SAMMSON: variants seen among roughly 807,000 people sequenced by gnomAD.
SAMMSON encodes the protein long intergenic non-protein coding RNA 1212.
chr3:70,184,877 T>C (rs1457309078), intron 4 of SAMMSON, among the ~76,000 whole-genome samples: 21 of 152,180 alleles, frequency 1.4e-4, no homozygotes, highest in Admixed American at 1.4e-3. Flanking sequence ...TGTGTACTGT[T>C]CTTAGCATGC....
rs34529551 is a variant in SAMMSON at position 70,185,807 on chromosome 3, CA to C, written n.508-63280del. Among the ~76,000 whole-genome samples, 354 of 102,944 alleles carry C rather than the reference CA, an allele frequency of 3.4e-3. 1 individual carries two copies. Among genetic ancestry groups the C allele is most frequent in the African/African-American group, 9.0e-3 (225 of 24,968 alleles). The allele number at this position is 102,944 out of a possible 152,430, so 67.5% of individuals were successfully genotyped here. Reference sequence around the variant, plus strand: ...GCAGCATAGCAAGACCCCGCCTCTACAAAAAAAAAAAAAAAAAAAATTAGCT... The same window carrying C: ...GCAGCATAGCAAGACCCCGCCTCTACAAAAAAAAAAAAAAAAAAATTAGCT... On this transcript the variant is annotated intron_variant and non_coding_transcript_variant, in intron 4 of 9. Transcript: ENST00000642114.
At chr3:70,381,190 C>G (rs1172064950) in intron 9 of SAMMSON, among the ~76,000 whole-genome samples, 1 of 152,164 alleles carries the variant, frequency 6.6e-6, no homozygotes, top group African/African-American at 2.4e-5. Flanking sequence ...AAACCAATTC[C>G]TCACTCTGAA....
At chr3:70,139,906 C>A (rs1453479221) in intron 4 of SAMMSON, among the ~76,000 whole-genome samples, 1 of 152,152 alleles carries the variant, frequency 6.6e-6, no homozygotes, top group Non-Finnish European at 1.5e-5. Context: ...ATAGCTGATC[C>A]ATGCTACTTT....
At chr3:70,218,311 G>A (rs1576159161) in intron 4 of SAMMSON, among the ~76,000 whole-genome samples, 2 of 152,108 alleles carry the variant, frequency 1.3e-5, no homozygotes, top group Non-Finnish European at 2.9e-5. Context: ...TGCCTCCATT[G>A]TGTATGCATG....
chr3:70,423,279 C>A (rs1701326418), intron 2 of SAMMSON, among the ~76,000 whole-genome samples: 1 of 152,054 alleles, frequency 6.6e-6, no homozygotes, highest in Non-Finnish European at 1.5e-5. Flanking sequence ...CTGTAATTTA[C>A]AAATTTTCTA....
intron 6 of SAMMSON, among the ~76,000 whole-genome samples, chr3:70,281,739 C>T (rs570230262): frequency 2.0e-5 from 3 of 152,154 alleles, no homozygotes; most frequent in South Asian, 2.1e-4. Context: ...TTTGGAATTC[C>T]GATAGAGAAT....
At chr3:70,271,387 T>C (rs1043202840) in intron 6 of SAMMSON, among the ~76,000 whole-genome samples, 3 of 152,314 alleles carry the variant, frequency 2.0e-5, no homozygotes, top group South Asian at 4.1e-4. Context: ...GGAACTCCAA[T>C]GGTTCCAGCT....
chr3:70,214,542 T>C (rs1179440036), intron 4 of SAMMSON, among the ~76,000 whole-genome samples: 2 of 151,088 alleles, frequency 1.3e-5, no homozygotes, highest in African/African-American at 4.9e-5. Flanking sequence ...AGGCTGAGCA[T>C]GGCCCCCTCC....
At chr3:70,210,204 A>AT (rs1467632783) in intron 4 of SAMMSON, among the ~76,000 whole-genome samples, 1 of 152,154 alleles carries the variant, frequency 6.6e-6, no homozygotes, top group African/African-American at 2.4e-5. Flanking sequence ...TAAGTATAGC[A>AT]TTTTGAATGT....
intron 2 of SAMMSON, among the ~76,000 whole-genome samples, chr3:70,419,920 G>A (rs576044260): frequency 2.0e-5 from 3 of 152,342 alleles, no homozygotes; most frequent in South Asian, 4.1e-4. Flanking sequence ...TTACAGGCAT[G>A]AGCCACCACG....
At chr3:70,098,283 C>T (rs1183393582) in intron 4 of SAMMSON, among the ~76,000 whole-genome samples, 1 of 152,174 alleles carries the variant, frequency 6.6e-6, no homozygotes, top group Admixed American at 6.5e-5. Context: ...AAACTGAAAG[C>T]GGTCTCACAC....
chr3:70,069,461 C>T (rs888592233), intron 3 of SAMMSON: 1 of 152,058 alleles, frequency 6.6e-6, no homozygotes, highest in African/African-American at 2.4e-5. Context: ...GAGCAACACT[C>T]ATGAAACAGT....
intron 7 of SAMMSON, among the ~76,000 whole-genome samples, chr3:70,325,429 A>T (rs892968868): frequency 6.6e-6 from 1 of 152,158 alleles, no homozygotes; most frequent in African/African-American, 2.4e-5. Context: ...TTACTGCAGA[A>T]AGATTGGATA....
intron 4 of SAMMSON, among the ~76,000 whole-genome samples, chr3:70,240,307 A>G (rs1207741086): frequency 6.6e-6 from 1 of 151,966 alleles, no homozygotes. Context: ...AACAGTAGCT[A>G]AGCCAGAAAC....
intron 6 of SAMMSON, among the ~76,000 whole-genome samples, chr3:70,276,925 A>G (rs1258701581): frequency 2.0e-5 from 3 of 152,250 alleles, no homozygotes; most frequent in African/African-American, 7.2e-5. Flanking sequence ...TCAGTGAGAA[A>G]TCCTCACATT....
intron 9 of SAMMSON, among the ~76,000 whole-genome samples, chr3:70,376,694 G>A (rs1007484773): frequency 6.6e-6 from 1 of 152,040 alleles, no homozygotes; most frequent in African/African-American, 2.4e-5. Flanking sequence ...CCAGAGCCAG[G>A]CTCTGAGTTC....
Position 70,143,319 on chromosome 3 carries a change from G to A in SAMMSON, n.507+71754G>A, listed in dbSNP as rs181644212. Reference sequence around the variant, plus strand: ...TTAGTAAAAAAAAAAAAAAATACACGAGACTTATAACTATTTTCTCCATAA... The same window carrying A: ...TTAGTAAAAAAAAAAAAAAATACACAAGACTTATAACTATTTTCTCCATAA... On this transcript the variant is annotated intron_variant and non_coding_transcript_variant, in intron 4 of 9. Coordinates refer to ENST00000642114, the Ensembl canonical transcript of SAMMSON. Among the ~76,000 whole-genome samples, 949 of 151,428 alleles carry A rather than the reference G, an allele frequency of 6.3e-3. 6 individuals are homozygous for A. Among genetic ancestry groups the A allele is most frequent in the Non-Finnish European group, 9.3e-3 (629 of 67,886 alleles).
chr3:70,282,120 G>T (rs1043338213), intron 6 of SAMMSON, among the ~76,000 whole-genome samples: 1 of 152,090 alleles, frequency 6.6e-6, no homozygotes, highest in Admixed American at 6.6e-5. Flanking sequence ...TTCAGCTGGG[G>T]AAATGGGTCA....
chr3:70,139,946 T>C (rs966553474), intron 4 of SAMMSON, among the ~76,000 whole-genome samples: 5 of 152,210 alleles, frequency 3.3e-5, no homozygotes, highest in Non-Finnish European at 7.3e-5. Flanking sequence ...ACCCTTCATG[T>C]TCTCTTCCAT....
Sources: gnomAD v4.1 joint callset for allele counts (sites outside exome capture counted in the v4.1 genomes callset) on GRCh38, gnomAD v4.1.1 for gene constraint, MANE v1.5 for transcripts, NCBI Gene and HGNC (gene_info 2026-07-23, HGNC 2026-07-21) for gene names.